Variants in SEPHS1 observed in about 807,000 individuals in gnomAD.
SEPHS1 encodes selenophosphate synthetase 1.
A neutral mutation model predicts 39.2 loss-of-function variants in SEPHS1; 7 were observed. The observed-to-expected ratio is 0.18, with a 90% CI of 0.10 to 0.34. The LOEUF is 0.34. Among genes scored for constraint, SEPHS1 ranks in the 10% least tolerant of loss-of-function variants. The pLI is 1.00. For missense variants in SEPHS1, 253 were observed against 514.5 expected (o/e 0.49, Z 4.92); for synonymous variants, 190 against 195.5 (o/e 0.97, Z 0.23).
intron 8 of SEPHS1, among the ~76,000 whole-genome samples, chr10:13,321,532 CAT>C (rs1331669078): frequency 6.6e-6 from 1 of 152,006 alleles, no homozygotes; most frequent in Non-Finnish European, 1.5e-5. Context: ...GCCTGGCCGG[CAT>C]GTGTATATTT....
intron 6 of SEPHS1, among the ~76,000 whole-genome samples, chr10:13,329,182 G>A (rs1222896820): frequency 6.6e-6 from 1 of 152,108 alleles, no homozygotes; most frequent in Non-Finnish European, 1.5e-5. Context: ...TGACTCACAA[G>A]ACATATCCTC....
rs140501012 is a variant in SEPHS1, at chr10:13,322,857, G to A, written c.942C>T (p.His314=). Residue 314 remains histidine (H), a synonymous_variant, in exon 8 of 9, where the codon CAC becomes CAT. Transcript: ENST00000327347. ...KACGNMFGLM[H]GTCPETSGGL... ...TACCTGAAGTCTCCGGGCAGGTCCC[G>A]TGCATGAGGCCGAACATGTTTCCGC... The A allele has an allele frequency of 4.2e-4, 681 of 1,613,766 alleles. 1 individual carries two copies. The African/African-American group carries it at 7.4e-3, about 18-fold the overall frequency.
In SEPHS1 at chr10:13,328,371, A is replaced by G. The variant is rs1432999081; in HGVS notation, c.731T>C (p.Met244Thr). The change falls in exon 7 of 9, where the codon ATG becomes ACG. Residue 244 changes from methionine (M) to threonine (T), a missense_variant. Met to Thr is a moderately conservative substitution (Grantham distance 81, BLOSUM62 -1). This residue lies in a region of SEPHS1 where 107 missense variants were observed against 257.1 expected (regional missense o/e 0.42). Transcript: ENST00000327347. ...ELAYQEAMMN[M>T]ARLNRTAAGL... ...CATACCTGTCCTGTTGAGCCTCGCC[A>G]TGTTCATCATCGCCTCCTGGTAGGC... The G allele has an allele frequency of 6.2e-7, 1 of 1,613,336 alleles. No homozygotes were observed. Among genetic ancestry groups the G allele is most frequent in the Non-Finnish European group, 8.5e-7 (1 of 1,179,336 alleles).
chr10:13,347,794 CGGCGCG>C (rs1312612261), intron 1 of SEPHS1, among the ~76,000 whole-genome samples, 200 bp downstream of exon 1: 3 of 129,838 alleles, frequency 2.3e-5, no homozygotes, highest in South Asian at 2.8e-4. Flanking sequence ...GCGGCGGCGG[CGGCGCG>C]GGCGGCGCTT....
At chr10:13,344,435 C>T (rs1383222986) in intron 2 of SEPHS1, among the ~76,000 whole-genome samples, 1 of 152,004 alleles carries the variant, frequency 6.6e-6, no homozygotes, top group East Asian at 1.9e-4. Context: ...CCTCTTGATG[C>T]GTTTCAAGTA....
chr10:13,333,600 C>T (rs10906350), intron 5 of SEPHS1, among the ~76,000 whole-genome samples: 62,004 of 151,750 alleles, frequency 0.41, 14,360 homozygotes, highest in East Asian at 0.69. Context: ...CCCACCATGC[C>T]TGGCTAATTT....
intron 5 of SEPHS1, among the ~76,000 whole-genome samples, chr10:13,331,753 CAAAGAAGA>C (rs1833478638): frequency 6.6e-6 from 1 of 152,162 alleles, no homozygotes; most frequent in South Asian, 2.1e-4. Flanking sequence ...GAAACTTCTC[CAAAGAAGA>C]TACACAAATG....
intron 7 of SEPHS1, among the ~76,000 whole-genome samples, chr10:13,327,135 G>T (rs1438523930): frequency 6.7e-6 from 1 of 149,492 alleles, no homozygotes; most frequent in African/African-American, 2.5e-5. Context: ...CAGCTACTGG[G>T]AAGGCTGAGG....
intron 2 of SEPHS1, among the ~76,000 whole-genome samples, chr10:13,342,232 A>G (rs991530631): frequency 2.7e-5 from 4 of 150,062 alleles, no homozygotes; most frequent in Non-Finnish European, 5.9e-5. Flanking sequence ...GCGCCACTGC[A>G]CTCCAGCCTG....
chr10:13,338,162 T>C (rs1833693450), intron 3 of SEPHS1, among the ~76,000 whole-genome samples: 1 of 152,208 alleles, frequency 6.6e-6, no homozygotes, highest in Admixed American at 6.5e-5. Context: ...ACCTACTATG[T>C]ACAGCGGCAC....
intron 1 of SEPHS1, among the ~76,000 whole-genome samples, chr10:13,346,576 C>G (rs1833928547): frequency 6.6e-6 from 1 of 152,142 alleles, no homozygotes; most frequent in African/African-American, 2.4e-5. Flanking sequence ...CCGCAAGTGA[C>G]AAGAGACGAG....
chr10:13,347,123 C>CA (rs1489768732), intron 1 of SEPHS1, among the ~76,000 whole-genome samples: 1 of 152,152 alleles, frequency 6.6e-6, no homozygotes, highest in Non-Finnish European at 1.5e-5. Context: ...GCCTTTAAAA[C>CA]AATGGCATGA....
intron 8 of SEPHS1, chr10:13,321,974 C>T: frequency 2.3e-6 from 1 of 441,792 alleles, no homozygotes; most frequent in Non-Finnish European, 4.5e-6. Context: ...GGTGTCAGAC[C>T]TGCACTGCTG....
At chr10:13,339,740 T>G (rs1833735407) in intron 2 of SEPHS1, among the ~76,000 whole-genome samples, 1 of 152,156 alleles carries the variant, frequency 6.6e-6, no homozygotes, top group Admixed American at 6.5e-5. Context: ...CTCACATACC[T>G]TAAATCATCT....
intron 2 of SEPHS1, among the ~76,000 whole-genome samples, chr10:13,339,999 T>C (rs1234447040): frequency 6.6e-6 from 1 of 152,144 alleles, no homozygotes; most frequent in East Asian, 1.9e-4. Context: ...AAGCCAGAAT[T>C]AGGACAAAAG....
At chr10:13,329,875 C>T (rs1008644375) in intron 5 of SEPHS1, 87 bp from the exon 6 acceptor site, 1 of 1,121,706 alleles carries the variant, frequency 8.9e-7, no homozygotes, top group Non-Finnish European at 1.3e-6. Flanking sequence ...AATAATCTGT[C>T]AAAAATATAT....
intron 5 of SEPHS1, among the ~76,000 whole-genome samples, chr10:13,332,351 T>TGCCAGAGGATGG: frequency 6.6e-6 from 1 of 152,200 alleles, no homozygotes; most frequent in Non-Finnish European, 1.5e-5. Context: ...CATTCTTGGT[T>TGCCAGAGGATGG]GCCAGAGGAT....
At chr10:13,329,453 C>T (rs534445541) in intron 6 of SEPHS1, among the ~76,000 whole-genome samples, 306 of 152,266 alleles carry the variant, frequency 2.0e-3, no homozygotes, top group Non-Finnish European at 3.1e-3. Flanking sequence ...AACCCCCTGC[C>T]GAGCAAATTC....
intron 7 of SEPHS1, among the ~76,000 whole-genome samples, chr10:13,324,991 G>A (rs1036331405): frequency 4.6e-5 from 7 of 152,020 alleles, no homozygotes; most frequent in East Asian, 1.9e-4. Context: ...AAGGTCTTTG[G>A]GCCATGTTTA....
Sources: gnomAD v4.1 joint callset for allele counts (sites outside exome capture counted in the v4.1 genomes callset) on GRCh38, gnomAD v4.1.1 for gene constraint, gnomAD v4.1.1 regional missense constraint, MANE v1.5 for transcripts, NCBI Gene and HGNC (gene_info 2026-07-23, HGNC 2026-07-21) for gene names.